The following ARHGAP15 variants were observed in gnomAD, a reference collection of about 807,000 sequenced individuals.
The protein encoded by ARHGAP15 is Rho GTPase activating protein 15.
Under a neutral mutation model 63.7 loss-of-function variants are expected in ARHGAP15, and 51 were observed. The observed-to-expected ratio is 0.80, with a 90% confidence interval of 0.64 to 1.01. The LOEUF is 1.01. ARHGAP15 is among the 50% of genes least tolerant of loss of function. ARHGAP15 has a pLI of 0.00. For missense variants in ARHGAP15, 560 were observed against 564.6 expected, an observed-to-expected ratio of 0.99 and a Z score of 0.08; for synonymous variants, 191 against 193.8, an observed-to-expected ratio of 0.99 and a Z score of 0.12.
intron 6 of ARHGAP15, among the ~76,000 whole-genome samples, chr2:143,334,295 C>A (rs1408303398): frequency 6.6e-6 from 1 of 151,990 alleles, no homozygotes; most frequent in African/African-American, 2.4e-5. Context: ...AAATAAGAAG[C>A]ACCAATACTT....
At chr2:143,253,042 G>C (rs1363881774) in intron 6 of ARHGAP15, among the ~76,000 whole-genome samples, 1 of 152,052 alleles carries the variant, frequency 6.6e-6, no homozygotes, top group East Asian at 1.9e-4. Flanking sequence ...CAGCTGATGT[G>C]CTACATTGGA....
At chr2:143,667,970 A>C (rs1380780672) in intron 12 of ARHGAP15, among the ~76,000 whole-genome samples, 1 of 152,150 alleles carries the variant, frequency 6.6e-6, no homozygotes, top group African/African-American at 2.4e-5. Context: ...CCTGGGTGAC[A>C]GAGCAAGACC....
intron 9 of ARHGAP15, among the ~76,000 whole-genome samples, chr2:143,489,425 G>A: frequency 6.6e-6 from 1 of 152,112 alleles, no homozygotes; most frequent in East Asian, 1.9e-4. Context: ...AGCTTCCATT[G>A]TTGTCTTCAG....
intron 12 of ARHGAP15, among the ~76,000 whole-genome samples, chr2:143,669,037 G>A (rs917621794): frequency 6.6e-5 from 10 of 152,190 alleles, no homozygotes; most frequent in African/African-American, 2.2e-4. Context: ...AAACTATCAG[G>A]CCTCAGACCC....
intron 6 of ARHGAP15, among the ~76,000 whole-genome samples, chr2:143,263,605 C>A (rs151289359): frequency 6.6e-6 from 1 of 152,270 alleles, no homozygotes; most frequent in East Asian, 1.9e-4. Context: ...TTCAACTGAC[C>A]AGTCATCTGG....
intron 6 of ARHGAP15, among the ~76,000 whole-genome samples, chr2:143,252,799 AC>A (rs1250880428): frequency 1.3e-5 from 2 of 152,048 alleles, no homozygotes; most frequent in African/African-American, 4.8e-5. Flanking sequence ...AGTTCTGTTA[AC>A]AAAAAAGCGT....
intron 12 of ARHGAP15, among the ~76,000 whole-genome samples, chr2:143,662,855 A>T (rs1355346358): frequency 7.3e-6 from 1 of 137,806 alleles, no homozygotes; most frequent in South Asian, 2.5e-4. Context: ...CAAGAAGGGA[A>T]GTTTAGAGAA....
intron 4 of ARHGAP15, among the ~76,000 whole-genome samples, chr2:143,226,048 G>T (rs903345652): frequency 1.3e-5 from 2 of 152,192 alleles, no homozygotes; most frequent in Non-Finnish European, 1.5e-5. Context: ...TCAAAACAAA[G>T]TAGCACCGTA....
intron 6 of ARHGAP15, among the ~76,000 whole-genome samples, chr2:143,427,357 T>C (rs1689179472): frequency 6.6e-6 from 1 of 152,190 alleles, no homozygotes; most frequent in Admixed American, 6.6e-5. Context: ...AGTTTGCTTA[T>C]TTATTAATAT....
intron 2 of ARHGAP15, among the ~76,000 whole-genome samples, chr2:143,192,513 C>T (rs1269378632): frequency 6.6e-6 from 1 of 152,232 alleles, no homozygotes; most frequent in Non-Finnish European, 1.5e-5. Context: ...GCTGCAGATG[C>T]AGCCATTACT....
In ARHGAP15 at chr2:143,306,483, C is replaced by A. The variant is rs1683176338; in HGVS notation, c.474+55883C>A. On this transcript the variant is annotated intron_variant, in intron 6 of 13. Transcript: ENST00000295095. Reference sequence around the variant, plus strand: ...TCTTCTGATAAATAGGGCTAATAATCATATATAATAATAGACCTCAGGTGC... The same window carrying A: ...TCTTCTGATAAATAGGGCTAATAATAATATATAATAATAGACCTCAGGTGC... 2.6e-5 allele frequency among the ~76,000 whole-genome samples: 4 copies of A among 152,232 alleles called. No individual in the cohort carries two copies. The South Asian group carries it at 8.3e-4, about 32-fold the overall frequency.
intron 8 of ARHGAP15, among the ~76,000 whole-genome samples, chr2:143,450,644 T>C (rs1690365775): frequency 6.6e-6 from 1 of 151,976 alleles, no homozygotes; most frequent in Non-Finnish European, 1.5e-5. Context: ...TAAATTCCAG[T>C]ATCATTTCTT....
chr2:143,632,052 T>G, intron 12 of ARHGAP15, among the ~76,000 whole-genome samples: 1 of 152,096 alleles, frequency 6.6e-6, no homozygotes. Context: ...TACATATTTA[T>G]GGGGTAGAAT....
chr2:143,414,483 TAACTC>T (rs1379745836), intron 6 of ARHGAP15, among the ~76,000 whole-genome samples: 2 of 152,008 alleles, frequency 1.3e-5, no homozygotes, highest in African/African-American at 4.8e-5. Flanking sequence ...CCTAGAAAAT[TAACTC>T]AAGAAATTGA....
chr2:143,452,384 G>T (rs1209757591), intron 8 of ARHGAP15, among the ~76,000 whole-genome samples: 2 of 151,888 alleles, frequency 1.3e-5, no homozygotes, highest in Non-Finnish European at 2.9e-5. Flanking sequence ...TACCTTCCGG[G>T]TTGGATAATG....
chr2:143,276,328 G>T (rs781195309), intron 6 of ARHGAP15, among the ~76,000 whole-genome samples: 2 of 152,080 alleles, frequency 1.3e-5, no homozygotes, highest in African/African-American at 4.8e-5. Flanking sequence ...TGTATAGCTT[G>T]GTCTGTTTTC....
chr2:143,317,462 T>C (rs1683772570), intron 6 of ARHGAP15, among the ~76,000 whole-genome samples: 1 of 152,240 alleles, frequency 6.6e-6, no homozygotes, highest in Non-Finnish European at 1.5e-5. Flanking sequence ...AGTTGAAGGA[T>C]GATTTCAGTG....
At chr2:143,229,254 G>A (rs370922183) in intron 5 of ARHGAP15, among the ~76,000 whole-genome samples, 67 of 152,172 alleles carry the variant, frequency 4.4e-4, no homozygotes, top group African/African-American at 1.2e-3. Context: ...CTCTAAATTA[G>A]CCAAGTGATT....
intron 11 of ARHGAP15, among the ~76,000 whole-genome samples, chr2:143,569,471 C>G (rs1016450751): frequency 1.3e-5 from 2 of 152,146 alleles, no homozygotes; most frequent in Non-Finnish European, 2.9e-5. Flanking sequence ...TGAATAGACA[C>G]TTGACCTGAT....
Sources: allele counts gnomAD v4.1 joint callset (sites outside exome capture counted in the v4.1 genomes callset), GRCh38; gene constraint gnomAD v4.1.1; transcripts MANE v1.5; gene names NCBI Gene and HGNC (gene_info 2026-07-23, HGNC 2026-07-21).